Variants in USH2A observed in about 807,000 individuals in gnomAD.
USH2A encodes Usher syndrome 2A (autosomal recessive, mild).
A neutral mutation model predicts 538.9 loss-of-function variants in USH2A; 443 were observed. The observed-to-expected ratio is 0.82, with a 90% CI of 0.76 to 0.89. The LOEUF (loss-of-function observed/expected upper bound fraction) is 0.89. USH2A is among the 40% of genes least tolerant of loss of function. USH2A has a pLI of 0.00. For missense variants in USH2A, 6,633 were observed against 6,324.8 expected (o/e 1.05, Z -1.65); for synonymous variants, 2,413 against 2,273.5 (o/e 1.06, Z -1.75).
intron 61 of USH2A, among the ~76,000 whole-genome samples, chr1:215,692,847 G>A (rs1180285714): frequency 6.6e-6 from 1 of 151,902 alleles, no homozygotes; most frequent in Admixed American, 6.6e-5. Context: ...CCATGCCCCA[G>A]TTGTTTAGTT....
At chr1:216,030,530 A>G (rs1481241736) in intron 32 of USH2A, among the ~76,000 whole-genome samples, 1 of 144,194 alleles carries the variant, frequency 6.9e-6, no homozygotes, top group African/African-American at 2.5e-5. Flanking sequence ...TATATATCAC[A>G]GATATATAAA....
chr1:215,797,682 C>T, intron 50 of USH2A, among the ~76,000 whole-genome samples: 1 of 151,958 alleles, frequency 6.6e-6, no homozygotes, highest in East Asian at 1.9e-4. Flanking sequence ...ATTTTAAGCT[C>T]ATTATTGAGA....
intron 61 of USH2A, among the ~76,000 whole-genome samples, chr1:215,701,676 A>G (rs1481480667): frequency 6.6e-6 from 1 of 152,076 alleles, no homozygotes; most frequent in Admixed American, 6.6e-5. Flanking sequence ...CTTGGTAAAT[A>G]TTCCTCCATC....
intron 13 of USH2A, among the ~76,000 whole-genome samples, chr1:216,242,379 A>ATAT (rs564656511): frequency 6.7e-6 from 1 of 150,260 alleles, no homozygotes; most frequent in Non-Finnish European, 1.5e-5. Flanking sequence ...AGAAAAAAAA[A>ATAT]ATATATATAT....
Position 215,714,997 on chromosome 1 carries a change from T to G in USH2A, c.12066+13033A>C, listed in dbSNP as rs186923688. On this transcript the variant is annotated intron_variant, in intron 61 of 71. Coordinates refer to ENST00000307340, the MANE Select transcript of USH2A (RefSeq NM_206933.4). ...AGAAATTATACTTTTAAAATTTAAT[T>G]TAAAGTTCCGGGATACACGTGCAGG... Among the ~76,000 whole-genome samples the G allele has an allele frequency of 6.5e-4, 99 of 152,330 alleles. 1 individual carries two copies. The highest frequency in any genetic ancestry group is 1.2e-3 in the Admixed American group (18 of 15,300).
rs148625329 is a variant in USH2A at position 215,867,025 on chromosome 1, C to T, written c.8827G>A (p.Val2943Met). The change falls in exon 44 of 72, where the codon GTG becomes ATG. Residue 2943 changes from valine (V) to methionine (M), a missense_variant. Physicochemically the swap from Val to Met is conservative, Grantham distance 21. Coordinates refer to ENST00000307340, the MANE Select transcript of USH2A (RefSeq NM_206933.4). ...ASVLNHTAIDVRWAKPTVQDL... is the reference protein window; with the variant it reads ...ASVLNHTAIDMRWAKPTVQDL... ...TACTTACTTGGTTTAGCCCACCTCA[C>T]GTCGATGGCTGTGTGGTTAAGGACA... 8.1e-6 allele frequency: 13 copies of T among 1,613,978 alleles called. No homozygotes were observed. The highest frequency in any genetic ancestry group is 1.6e-4 in the Middle Eastern group (1 of 6,084).
chr1:216,381,482 G>A (rs1182786717), intron 3 of USH2A, among the ~76,000 whole-genome samples: 2 of 152,088 alleles, frequency 1.3e-5, no homozygotes, highest in Non-Finnish European at 2.9e-5. Flanking sequence ...TCACGATGAA[G>A]TTTTTTACAA....
intron 4 of USH2A, among the ~76,000 whole-genome samples, chr1:216,344,401 A>G (rs565486668): frequency 6.6e-6 from 1 of 152,272 alleles, no homozygotes; most frequent in Admixed American, 6.5e-5. Context: ...ACATACATGT[A>G]TGGTCACACA....
intron 56 of USH2A, among the ~76,000 whole-genome samples, chr1:215,760,969 T>A (rs1468077256): frequency 1.3e-5 from 2 of 152,206 alleles, no homozygotes; most frequent in African/African-American, 4.8e-5. Context: ...TTTGAATTTA[T>A]TCATATAATA....
At chr1:215,630,478 GTGTGTA>G (rs1252604512) in intron 70 of USH2A, among the ~76,000 whole-genome samples, 101 of 35,158 alleles carry the variant, frequency 2.9e-3, no homozygotes, top group Middle Eastern at 9.6e-3. Flanking sequence ...GTGTATGTGT[GTGTGTA>G]TATATATATA....
At chr1:215,691,191 A>G (rs1658594788) in intron 61 of USH2A, among the ~76,000 whole-genome samples, 1 of 135,366 alleles carries the variant, frequency 7.4e-6, no homozygotes, top group African/African-American at 2.5e-5. Flanking sequence ...CAGTTAGCCT[A>G]TTTTTAACCT....
In USH2A at chr1:216,046,439, A is replaced by G. The variant is rs6657250; in HGVS notation, c.6317T>C (p.Ile2106Thr). 0.65 allele frequency: 1,048,659 copies of G among 1,612,566 alleles called. 346,400 individuals carry two copies. Among genetic ancestry groups the G allele is most frequent in the African/African-American group, 0.77 (57,498 of 74,864 alleles). Residue 2106 changes from isoleucine (I) to threonine (T), a missense_variant, in exon 32 of 72, where the codon ATA (isoleucine) becomes ACA (threonine). Physicochemically the swap from Ile to Thr is moderately conservative, Grantham distance 89. Transcript: ENST00000307340. ...AACTCTAGAGGTCTTACCTGTGACT[A>G]TGTAGTTCTCCTCACTGCCTGAATA... ...LIYSGSEENY[I>T]VTDLAVFTPH...
intron 58 of USH2A, 65 bp from the exon 59 acceptor site, chr1:215,743,400 G>GTATATATA (rs1290938328): frequency 1.6e-5 from 7 of 438,054 alleles, no homozygotes; most frequent in South Asian, 2.7e-5. Flanking sequence ...GTGTGTGTGT[G>GTATATATA]TGTGTGTGTG....
intron 11 of USH2A, among the ~76,000 whole-genome samples, chr1:216,255,336 C>G (rs2036238980): frequency 1.3e-5 from 2 of 152,134 alleles, no homozygotes; most frequent in Admixed American, 1.3e-4. Flanking sequence ...TCTTTGAAAT[C>G]TTCATCCTTT....
At chr1:215,877,510 T>C (rs1366473453) in intron 43 of USH2A, among the ~76,000 whole-genome samples, 3 of 152,132 alleles carry the variant, frequency 2.0e-5, no homozygotes, top group African/African-American at 7.2e-5. Flanking sequence ...ACAAAGGCAA[T>C]AGGTTAAGGC....
chr1:215,899,964 TA>T lies in USH2A; in HGVS notation c.7594+110del, dbSNP rs1665445557. 47 of 1,518,722 alleles carry T rather than the reference TA, an allele frequency of 3.1e-5. No individual in the cohort carries two copies. In the South Asian group the frequency reaches 5.2e-4, roughly 17 times the overall value. 94.1% of individuals were successfully genotyped at this position (1,518,722 alleles called of 1,614,324 possible). A position where few individuals can be genotyped will look rare whatever the true frequency, so the allele number is the denominator to read the frequency against. On this transcript the variant is annotated intron_variant, in intron 40 of 71. Coordinates refer to ENST00000307340, the MANE Select transcript of USH2A (RefSeq NM_206933.4). Reference sequence around the variant, plus strand: ...TTGCCCTAGAAAAGGTTATTGTCACTAAACAACAAGTAAATAAGGGAGGCTC... The same window carrying T: ...TTGCCCTAGAAAAGGTTATTGTCACTAACAACAAGTAAATAAGGGAGGCTC...
At chr1:215,887,989 C>A (rs534182991) in intron 41 of USH2A, among the ~76,000 whole-genome samples, 1 of 152,266 alleles carries the variant, frequency 6.6e-6, no homozygotes, top group East Asian at 1.9e-4. Context: ...TCTGGATAGC[C>A]CGTTAATATG....
chr1:216,253,562 C>G (rs1418228086), intron 11 of USH2A, among the ~76,000 whole-genome samples: 2 of 152,184 alleles, frequency 1.3e-5, no homozygotes, highest in African/African-American at 4.8e-5. Context: ...AATTCCATCC[C>G]TGAATGACAG....
intron 38 of USH2A, among the ~76,000 whole-genome samples, chr1:215,926,163 G>C (rs982308818): frequency 3.5e-5 from 5 of 143,278 alleles, no homozygotes; most frequent in African/African-American, 1.3e-4. Context: ...GTATATTCTT[G>C]CTTTTTGAGC....
Sources: allele counts gnomAD v4.1 joint callset (sites outside exome capture counted in the v4.1 genomes callset), GRCh38; gene constraint gnomAD v4.1.1; transcripts MANE v1.5; gene names NCBI Gene and HGNC (gene_info 2026-07-23, HGNC 2026-07-21).